The following GNAQ variants were observed in gnomAD, a reference collection of about 807,000 sequenced individuals.
The protein encoded by GNAQ is guanine nucleotide-binding protein G(q) subunit alpha.
GNAQ carries 8 observed loss-of-function variants against 43.9 expected under a neutral mutation model. The ratio of observed to expected loss-of-function variants is 0.18; its 90% CI spans 0.11 to 0.33. GNAQ has a LOEUF of 0.33. Among genes scored for constraint, GNAQ ranks in the 10% least tolerant of loss-of-function variants. The pLI, the probability that GNAQ is intolerant of heterozygous loss-of-function variation, is 1.00. For synonymous variants in GNAQ, 155 were observed against 170.7 expected (o/e 0.91, Z 0.71); for missense variants, 158 against 450.8 (o/e 0.35, Z 5.88).
chr9:77,790,267 A>G (rs1206235519), intron 5 of GNAQ, among the ~76,000 whole-genome samples: 1 of 152,136 alleles, frequency 6.6e-6, no homozygotes, highest in East Asian at 1.9e-4. Flanking sequence ...TTGCGATTTG[A>G]GTTTTTTTCT....
Position 77,780,430 on chromosome 9 carries a change from T to C in GNAQ, c.735+14033A>G, listed in dbSNP as rs924127292. 4.0e-5 allele frequency among the ~76,000 whole-genome samples: 5 copies of C among 124,270 alleles called. No homozygotes were observed. In the South Asian group the frequency reaches 8.6e-4, roughly 21 times the overall value. The allele number at this position is 124,270 out of a possible 152,430, so 81.5% of individuals were successfully genotyped here. On this transcript the variant is annotated intron_variant, in intron 5 of 6. Coordinates refer to ENST00000286548, the MANE Select transcript of GNAQ (RefSeq NM_002072.5). ...CCAATTCTATCCATGTTGCTGCAAA[T>C]GATAGGATTTCATTTTTTTTTTTTT...
At chr9:77,731,880 ACTT>A (rs760602277) in intron 5 of GNAQ, among the ~76,000 whole-genome samples, 8 of 152,048 alleles carry the variant, frequency 5.3e-5, no homozygotes, top group Non-Finnish European at 1.0e-4. Context: ...TTCTGTGCAG[ACTT>A]CTTTTTTTCC....
intron 6 of GNAQ, among the ~76,000 whole-genome samples, chr9:77,724,498 G>A (rs1173139939): frequency 6.6e-6 from 1 of 152,056 alleles, no homozygotes; most frequent in Non-Finnish European, 1.5e-5. Context: ...CACCCAGCAG[G>A]TTTTTTTCTA....
At chr9:77,797,431 C>T (rs1399698077) in intron 4 of GNAQ, 89 bp downstream of exon 4, 5 of 946,304 alleles carry the variant, frequency 5.3e-6, no homozygotes, top group South Asian at 1.3e-5. Flanking sequence ...TGTTTTGAAG[C>T]CTACACATGA....
intron 5 of GNAQ, among the ~76,000 whole-genome samples, chr9:77,754,414 A>G (rs529225356): frequency 6.6e-6 from 1 of 152,262 alleles, no homozygotes; most frequent in East Asian, 1.9e-4. Context: ...GGTGTTTTAT[A>G]TGTATTATCT....
intron 2 of GNAQ, among the ~76,000 whole-genome samples, chr9:77,893,240 G>A (rs1037198859): frequency 2.0e-5 from 3 of 152,196 alleles, no homozygotes; most frequent in Admixed American, 2.0e-4. Flanking sequence ...AAAGCAGGTT[G>A]TGGTAAAGAA....
At chr9:77,970,366 G>A (rs1295524655) in intron 1 of GNAQ, among the ~76,000 whole-genome samples, 1 of 152,084 alleles carries the variant, frequency 6.6e-6, no homozygotes. Flanking sequence ...TTCCCAACTT[G>A]ATTCAGTGTT....
chr9:77,796,009 T>C (rs1215868320), intron 4 of GNAQ, among the ~76,000 whole-genome samples: 2 of 152,180 alleles, frequency 1.3e-5, no homozygotes, highest in African/African-American at 2.4e-5. Context: ...TCTAAAAATA[T>C]TTTGTAACAT....
intron 1 of GNAQ, among the ~76,000 whole-genome samples, chr9:77,984,246 T>C (rs1211656645): frequency 6.6e-6 from 1 of 151,298 alleles, no homozygotes; most frequent in African/African-American, 2.4e-5. Flanking sequence ...CTCGGCTCAC[T>C]GCAGCCTCGA....
chr9:77,724,833 A>G (rs1448640133), intron 6 of GNAQ, among the ~76,000 whole-genome samples: 1 of 152,180 alleles, frequency 6.6e-6, no homozygotes, highest in Non-Finnish European at 1.5e-5. Flanking sequence ...TTTAATAGAT[A>G]AAAAGTACAA....
At chr9:77,855,557 T>C (rs138541016) in intron 2 of GNAQ, among the ~76,000 whole-genome samples, 3,331 of 152,248 alleles carry the variant, frequency 0.022, 43 homozygotes, top group Middle Eastern at 0.048. Context: ...GTCTGTTTTA[T>C]ATGAAAACAC....
intron 1 of GNAQ, among the ~76,000 whole-genome samples, chr9:77,955,230 C>T (rs1459228728): frequency 6.6e-6 from 1 of 152,152 alleles, no homozygotes; most frequent in Non-Finnish European, 1.5e-5. Flanking sequence ...GCAACCTCTG[C>T]CGCCCAGGTT....
At position 78,000,926 on chromosome 9, in the gene GNAQ, C is replaced by G. The variant is rs12337994; in HGVS notation, c.136+30174G>C. Among the ~76,000 whole-genome samples the G allele has an allele frequency of 6.1e-3, 930 of 152,246 alleles. 9 individuals carry two copies. The highest frequency in any genetic ancestry group is 0.02 in the African/African-American group (839 of 41,534). On this transcript the variant is annotated intron_variant, in intron 1 of 6. Transcript: ENST00000286548. ...ACAGAACAAATGCACCAACCAATCA[C>G]AATAAACACAAGATTAAAAATCAAA...
intron 1 of GNAQ, among the ~76,000 whole-genome samples, chr9:77,942,032 C>T (rs2118345989): frequency 6.6e-6 from 1 of 151,828 alleles, no homozygotes; most frequent in East Asian, 1.9e-4. Context: ...GGATGAGTAA[C>T]TTCTCTTTTT....
In GNAQ at chr9:77,832,274, T is replaced by C. The variant is rs369831791; in HGVS notation, c.322-16504A>G. On this transcript the variant is annotated intron_variant, in intron 2 of 6. Transcript: ENST00000286548. ...TTTCATCTACAAGGACACTGTATTT[T>C]TCCTTAAATCCAGATGTCCAGTAAC... Among the ~76,000 whole-genome samples the C allele has an allele frequency of 2.9e-4, 44 of 152,300 alleles. 3 individuals carry two copies. The highest frequency in any genetic ancestry group is 1.1e-3 in the African/African-American group (44 of 41,564).
At chr9:77,991,594 G>T (rs78028499) in intron 1 of GNAQ, among the ~76,000 whole-genome samples, 9,049 of 151,772 alleles carry the variant, frequency 0.06, 299 homozygotes, top group African/African-American at 0.065. Context: ...CAATAGTTTT[G>T]GGGGTACAGA....
chr9:77,743,286 C>T (rs570294203), intron 5 of GNAQ, among the ~76,000 whole-genome samples: 1 of 151,448 alleles, frequency 6.6e-6, no homozygotes, highest in African/African-American at 2.4e-5. Context: ...AACAAACAAA[C>T]AAAAAAAACA....
intron 2 of GNAQ, among the ~76,000 whole-genome samples, chr9:77,901,338 C>T (rs1828613529): frequency 6.6e-6 from 1 of 152,172 alleles, no homozygotes; most frequent in Admixed American, 6.5e-5. Context: ...ACCTTTACAG[C>T]CTTATCTCTC....
rs77291357 is a variant in GNAQ, at chr9:77,960,831, G to A, written c.137-38486C>T. Among the ~76,000 whole-genome samples the A allele has an allele frequency of 8.8e-3, 1,344 of 152,074 alleles. 24 individuals are homozygous for A. The highest frequency in any genetic ancestry group is 0.03 in the African/African-American group (1,244 of 41,458). ...AAACAGAAAAATAAGAAACTTAAGA[G>A]TTTACATCCTTTCCTGTATTTTTCA... On this transcript the variant is annotated intron_variant, in intron 1 of 6. Transcript: ENST00000286548.
Sources: gnomAD v4.1 joint callset for allele counts (sites outside exome capture counted in the v4.1 genomes callset) on GRCh38, gnomAD v4.1.1 for gene constraint, MANE v1.5 for transcripts, NCBI Gene and HGNC (gene_info 2026-07-23, HGNC 2026-07-21) for gene names.